KLHL20: variants seen among roughly 807,000 people sequenced by gnomAD.
KLHL20 encodes kelch like family member 20.
A neutral mutation model predicts 69.5 loss-of-function variants in KLHL20; 29 were observed. The observed-to-expected ratio is 0.42, with a 90% CI of 0.31 to 0.57. The LOEUF (loss-of-function observed/expected upper bound fraction) is 0.57, where lower values mean the gene tolerates loss of function less well. Ranked by LOEUF, KLHL20 falls within the 20% of genes least tolerant of loss-of-function variation. The pLI is 0.18. For synonymous variants in KLHL20, 253 were observed against 265.2 expected, an observed-to-expected ratio of 0.95 and a Z score of 0.45; for missense variants, 419 against 776.0, an observed-to-expected ratio of 0.54 and a Z score of 5.47.
chr1:173,756,897 T>A, intron 6 of KLHL20, 79 bp from the exon 7 acceptor site: 1 of 1,372,324 alleles, frequency 7.3e-7, no homozygotes, highest in Non-Finnish European at 1.0e-6. Context: ...AAGCATTAGG[T>A]CACAGTGAAG....
chr1:173,767,544 A>G (rs999803034), intron 8 of KLHL20, among the ~76,000 whole-genome samples: 5 of 152,152 alleles, frequency 3.3e-5, no homozygotes, highest in Admixed American at 6.5e-5. Flanking sequence ...ATTCTTGCCA[A>G]CATTTGTTAT....
intron 2 of KLHL20, among the ~76,000 whole-genome samples, chr1:173,716,488 A>T (rs911716705): frequency 6.6e-6 from 1 of 152,162 alleles, no homozygotes; most frequent in Non-Finnish European, 1.5e-5. Context: ...GTTCAATCAT[A>T]CATTTGTTCT....
At chr1:173,724,394 T>G (rs1671857625) in intron 2 of KLHL20, among the ~76,000 whole-genome samples, 1 of 152,200 alleles carries the variant, frequency 6.6e-6, no homozygotes, top group African/African-American at 2.4e-5. Context: ...TAGAGATTGC[T>G]TCTTTATATT....
At chr1:173,734,514 G>A (rs2102473091) in intron 3 of KLHL20, 3 of 498,976 alleles carry the variant, frequency 6.0e-6, no homozygotes, top group Non-Finnish European at 1.1e-5. Flanking sequence ...ATTCATAAAA[G>A]TATTTAAAAA....
At chr1:173,746,601 T>G (rs1466052399) in intron 3 of KLHL20, among the ~76,000 whole-genome samples, 2 of 152,126 alleles carry the variant, frequency 1.3e-5, no homozygotes, top group Non-Finnish European at 2.9e-5. Flanking sequence ...TTATTTACCC[T>G]TAATACTTTG....
At chr1:173,727,925 T>C (rs1453157609) in intron 2 of KLHL20, among the ~76,000 whole-genome samples, 3 of 152,032 alleles carry the variant, frequency 2.0e-5, no homozygotes, top group Non-Finnish European at 4.4e-5. Context: ...ATAAATGGAC[T>C]ACATGCTTCA....
At chr1:173,765,131 C>CAACA (rs59397312) in intron 7 of KLHL20, among the ~76,000 whole-genome samples, 73,594 of 151,254 alleles carry the variant, frequency 0.49, 20,311 homozygotes, top group African/African-American at 0.76. Flanking sequence ...CAATAAAACC[C>CAACA]AACAAACAAA....
At chr1:173,756,932 G>A in intron 6 of KLHL20, 44 bp from the exon 7 acceptor site, 1 of 1,570,578 alleles carries the variant, frequency 6.4e-7, no homozygotes, top group Non-Finnish European at 8.7e-7. Context: ...TACATTTTAT[G>A]CTTCAGGATA....
chr1:173,734,003 G>A lies in KLHL20; in HGVS notation c.314G>A (p.Arg105His), dbSNP rs1672411263. Residue 105 changes from arginine to histidine, a missense_variant, in exon 3 of 12, where the codon CGT becomes CAT. Arg to His is a conservative substitution (Grantham distance 29). Coordinates refer to ENST00000209884, the MANE Select transcript of KLHL20 (RefSeq NM_014458.4). ...AMFTGELAESRQTEVVIRDID... is the reference protein window; with the variant it reads ...AMFTGELAESHQTEVVIRDID... ...TTTACAGGAGAATTGGCAGAGAGCC[G>A]TCAGACAGAAGTAGTGATCCGAGAC... 3.7e-6 allele frequency: 6 copies of A among 1,614,046 alleles called. No individual in the cohort carries two copies. The highest frequency in any genetic ancestry group is 1.6e-4 in the Middle Eastern group (1 of 6,084).
intron 3 of KLHL20, among the ~76,000 whole-genome samples, chr1:173,744,696 A>T (rs1378726392): frequency 6.6e-6 from 1 of 152,138 alleles, no homozygotes; most frequent in Non-Finnish European, 1.5e-5. Context: ...AATACCGTTT[A>T]TTTAAAAGCC....
chr1:173,750,839 G>C (rs1229182100), intron 3 of KLHL20, among the ~76,000 whole-genome samples: 1 of 152,100 alleles, frequency 6.6e-6, no homozygotes, highest in African/African-American at 2.4e-5. Flanking sequence ...AGGATTACAG[G>C]CATGAGCCAC....
chr1:173,743,493 C>T (rs770917277), intron 3 of KLHL20, among the ~76,000 whole-genome samples: 14 of 150,188 alleles, frequency 9.3e-5, no homozygotes, highest in Admixed American at 4.0e-4. Flanking sequence ...TTTCATATTC[C>T]TTTATTCCTG....
chr1:173,747,203 A>C (rs1450411717), intron 3 of KLHL20, among the ~76,000 whole-genome samples: 2 of 152,034 alleles, frequency 1.3e-5, no homozygotes, highest in East Asian at 3.8e-4. Flanking sequence ...ATATGTATGC[A>C]TAAGATATAC....
Position 173,782,115 on chromosome 1 carries a change from G to A in KLHL20, c.1639-9G>A, listed in dbSNP as rs754327189. 6.2e-7 allele frequency: 1 copy of A among 1,610,404 alleles called. No individual in the cohort carries two copies. The highest frequency in any genetic ancestry group is 1.7e-5 in the Admixed American group (1 of 59,976). On this transcript the variant is annotated splice_polypyrimidine_tract_variant and intron_variant, in intron 10 of 11. Coordinates refer to ENST00000209884, the MANE Select transcript of KLHL20 (RefSeq NM_014458.4). ...TTCTTCAGCAGCTTACTGTATTTTG[G>A]TTTTGTAGGTTGGCCTGGCAGTGGT... is the stretch of plus-strand genomic sequence containing the variant.
intron 3 of KLHL20, among the ~76,000 whole-genome samples, chr1:173,746,930 T>C (rs1238295132): frequency 1.1e-5 from 1 of 91,338 alleles, no homozygotes; most frequent in Middle Eastern, 8.3e-3. Context: ...TTCATTATCA[T>C]TGTTTTATAG....
chr1:173,755,210 C>T (rs1488882557), intron 5 of KLHL20, among the ~76,000 whole-genome samples: 1 of 152,090 alleles, frequency 6.6e-6, no homozygotes, highest in East Asian at 1.9e-4. Flanking sequence ...AGGCGCGTAC[C>T]ACCACACCCA....
chr1:173,781,902 A>C (rs1390769381), intron 10 of KLHL20: 1 of 399,438 alleles, frequency 2.5e-6, no homozygotes, highest in Non-Finnish European at 4.5e-6. Flanking sequence ...TTTAAGAAAT[A>C]CATGTTTTGG....
chr1:173,756,948 C>A, intron 6 of KLHL20, 28 bp from the exon 7 acceptor site: 1 of 1,606,012 alleles, frequency 6.2e-7, no homozygotes, highest in South Asian at 1.1e-5. Context: ...GGATAGGATT[C>A]TCTTGACCAT....
intron 2 of KLHL20, among the ~76,000 whole-genome samples, chr1:173,722,326 A>G (rs561370783): frequency 6.6e-6 from 1 of 152,260 alleles, no homozygotes; most frequent in East Asian, 1.9e-4. Flanking sequence ...AATTATATGG[A>G]TGGACACCAA....
Sources: gnomAD v4.1 joint callset for allele counts (sites outside exome capture counted in the v4.1 genomes callset) on GRCh38, gnomAD v4.1.1 for gene constraint, MANE v1.5 for transcripts, NCBI Gene and HGNC (gene_info 2026-07-23, HGNC 2026-07-21) for gene names.